Variants in KATNA1 observed in about 807,000 individuals in gnomAD.
KATNA1 encodes the protein katanin p60 ATPase-containing subunit A1.
KATNA1 carries 42 observed loss-of-function variants against 62.6 expected under a neutral mutation model. The ratio of observed to expected loss-of-function variants is 0.67; its 90% CI spans 0.52 to 0.87. The LOEUF is 0.87. Ranked by LOEUF, KATNA1 falls within the 40% of genes least tolerant of loss-of-function variation. The pLI is 0.00. For missense variants in KATNA1, 498 were observed against 612.5 expected, an observed-to-expected ratio of 0.81 and a Z score of 1.97; for synonymous variants, 186 against 201.9, an observed-to-expected ratio of 0.92 and a Z score of 0.67.
At chr6:149,611,419 G>A (rs1432198025) in intron 4 of KATNA1, among the ~76,000 whole-genome samples, 27 of 138,558 alleles carry the variant, frequency 1.9e-4, no homozygotes, top group South Asian at 1.1e-3. Context: ...CTGAGATGGC[G>A]CCATCGTACT....
chr6:149,633,104 T>TTA (rs1779915124), intron 2 of KATNA1, among the ~76,000 whole-genome samples, 188 bp from the exon 3 acceptor site: 1 of 147,710 alleles, frequency 6.8e-6, no homozygotes, highest in African/African-American at 2.5e-5. Flanking sequence ...ATTGCAATTT[T>TTA]TTTTTTTTTT....
In KATNA1 at chr6:149,635,874, G is replaced by A. The variant is rs190426754; in HGVS notation, c.162+2512C>T. Reference sequence around the variant, plus strand: ...GAGTTTGAGACCAGCTGGCTACATGGTGAAACCCCGTCTCTACTAAAAATA... The same window carrying A: ...GAGTTTGAGACCAGCTGGCTACATGATGAAACCCCGTCTCTACTAAAAATA... On this transcript the variant is annotated intron_variant, in intron 2 of 10. Coordinates refer to ENST00000367411, the MANE Select transcript of KATNA1 (RefSeq NM_007044.4). Among the ~76,000 whole-genome samples, 5 of 150,960 alleles carry A rather than the reference G, an allele frequency of 3.3e-5. No homozygotes were observed. The East Asian group carries it at 9.9e-4, about 30-fold the overall frequency.
chr6:149,648,063 C>T (rs1251864049), intron 1 of KATNA1, among the ~76,000 whole-genome samples: 3 of 152,162 alleles, frequency 2.0e-5, no homozygotes, highest in African/African-American at 7.2e-5. Context: ...TCACTCGAAC[C>T]TAACAAATTT....
intron 7 of KATNA1, 31 bp from the exon 8 acceptor site, chr6:149,598,381 A>G (rs1405101540): frequency 6.2e-7 from 1 of 1,603,602 alleles, no homozygotes; most frequent in East Asian, 2.2e-5. Flanking sequence ...ATATCAAGCT[A>G]TTAAGCTATT....
chr6:149,597,573 G>C lies in KATNA1; in HGVS notation c.1084C>G (p.Pro362Ala). Residue 362 changes from proline (P) to alanine (A), a missense_variant, in exon 9 of 11, where the codon CCC becomes GCC. Coordinates refer to ENST00000367411, the MANE Select transcript of KATNA1 (RefSeq NM_007044.4). ...MVMVLAATNF[P>A]WDIDEALRRR... ...CTTAAAGCCTCATCTATATCCCAGG[G>C]AAAATTAGTAGCTGCCAGAACCATA... The C allele has an allele frequency of 1.2e-6, 2 of 1,613,962 alleles. No homozygotes were observed. The highest frequency in any genetic ancestry group is 1.7e-6 in the Non-Finnish European group (2 of 1,179,896).
chr6:149,617,345 A>T (rs1779202498), intron 4 of KATNA1, among the ~76,000 whole-genome samples: 1 of 152,234 alleles, frequency 6.6e-6, no homozygotes, highest in Non-Finnish European at 1.5e-5. Context: ...TTTTGCCACA[A>T]CTTTTAAAAA....
chr6:149,623,056 T>C, intron 4 of KATNA1, 47 bp downstream of exon 4: 1 of 1,375,854 alleles, frequency 7.3e-7, no homozygotes, highest in African/African-American at 1.5e-5. Flanking sequence ...TCTTCATTTT[T>C]ACGGTTCAAA....
At position 149,598,327 on chromosome 6, in the gene KATNA1, G is replaced by A; in HGVS notation, c.912C>T (p.Thr304=). 1 of 1,613,692 alleles carries A rather than the reference G, an allele frequency of 6.2e-7. No homozygotes were observed. The highest frequency in any genetic ancestry group is 8.5e-7 in the Non-Finnish European group (1 of 1,179,804). Residue 304 remains threonine (T), a synonymous_variant, in exon 8 of 11, where the codon ACC becomes ACT. Coordinates refer to ENST00000367411, the MANE Select transcript of KATNA1 (RefSeq NM_007044.4). ...TGGAGTCTATCTCATCAATAAATAT[G>A]GTGGCTGGAGAATAAAATCGAGCCT... ...FEMARFYSPA[T]IFIDEIDSIC...
intron 4 of KATNA1, among the ~76,000 whole-genome samples, chr6:149,619,585 C>T (rs1444138132): frequency 4.0e-5 from 6 of 151,724 alleles, no homozygotes; most frequent in Non-Finnish European, 7.4e-5. Context: ...TGCACTCCAG[C>T]CTGGGCAACA....
chr6:149,600,215 A>G (rs1182225010), intron 7 of KATNA1, among the ~76,000 whole-genome samples: 5 of 150,776 alleles, frequency 3.3e-5, no homozygotes. Flanking sequence ...AAAAAAAAAA[A>G]AAAAAGCTGA....
chr6:149,627,291 G>A (rs1002491283), intron 3 of KATNA1, among the ~76,000 whole-genome samples: 3 of 151,842 alleles, frequency 2.0e-5, no homozygotes, highest in African/African-American at 7.3e-5. Context: ...TACTTTGGGA[G>A]GCCAAGGCAG....
At chr6:149,632,543 A>C (rs1467658991) in intron 3 of KATNA1, among the ~76,000 whole-genome samples, 1 of 152,154 alleles carries the variant, frequency 6.6e-6, no homozygotes, top group Non-Finnish European at 1.5e-5. Flanking sequence ...GGTCATTCAC[A>C]AAAGCATATT....
At chr6:149,641,685 T>C (rs968366491) in intron 1 of KATNA1, among the ~76,000 whole-genome samples, 1 of 152,096 alleles carries the variant, frequency 6.6e-6, no homozygotes, top group Admixed American at 6.6e-5. Context: ...ACACACCACA[T>C]GATCAAGAAG....
chr6:149,630,534 CAGG>C (rs774405310), intron 3 of KATNA1, among the ~76,000 whole-genome samples: 1 of 152,132 alleles, frequency 6.6e-6, no homozygotes, highest in Non-Finnish European at 1.5e-5. Flanking sequence ...GAGGCAGAGA[CAGG>C]AGAATTGCTT....
chr6:149,623,247 C>A lies in KATNA1; in HGVS notation c.357G>T (p.Gln119His). Residue 119 changes from glutamine (Q) to histidine (H), a missense_variant, in exon 4 of 11, where the codon CAG (glutamine) becomes CAT (histidine). Physicochemically the swap from Gln to His is conservative, Grantham distance 24. Transcript: ENST00000367411. ...TACCATGTGATTTAGGGTCACTGTA[C>A]TGAGAAGATTGGCGTTTTCTAGGTC... ...SPGPRKRQSS[Q>H]YSDPKSHGNR... 1.2e-6 allele frequency: 2 copies of A among 1,603,862 alleles called. No individual in the cohort carries two copies. The highest frequency in any genetic ancestry group is 1.7e-6 in the Non-Finnish European group (2 of 1,177,682).
At chr6:149,625,579 G>A (rs1033148045) in intron 3 of KATNA1, among the ~76,000 whole-genome samples, 5 of 151,996 alleles carry the variant, frequency 3.3e-5, no homozygotes, top group African/African-American at 4.8e-5. Flanking sequence ...GCAGTCAGCC[G>A]AGATTGCACC....
rs889147474 is a variant in KATNA1, at chr6:149,609,519, T to C, written c.502-4737A>G. ...GCTTGGGCAATAAAATAAGATCCTG[T>C]CTCGGCCAGGCATGGTGGCTCAGGC... On this transcript the variant is annotated intron_variant, in intron 4 of 10. Transcript: ENST00000367411. 5.3e-5 allele frequency among the ~76,000 whole-genome samples: 8 copies of C among 152,014 alleles called. No individual in the cohort carries two copies. The East Asian group carries it at 1.6e-3, about 29-fold the overall frequency.
intron 6 of KATNA1, among the ~76,000 whole-genome samples, chr6:149,602,547 C>T (rs1475550304): frequency 6.6e-6 from 1 of 151,814 alleles, no homozygotes; most frequent in Admixed American, 6.6e-5. Flanking sequence ...TAGATCAGCC[C>T]ATGACTTTAA....
chr6:149,639,193 G>C (rs1485021518), intron 1 of KATNA1, among the ~76,000 whole-genome samples: 1 of 152,052 alleles, frequency 6.6e-6, no homozygotes, highest in Non-Finnish European at 1.5e-5. Flanking sequence ...CAGCTACTTG[G>C]GAGGCTGAGA....
Sources: gnomAD v4.1 joint callset for allele counts (sites outside exome capture counted in the v4.1 genomes callset) on GRCh38, gnomAD v4.1.1 for gene constraint, MANE v1.5 for transcripts, NCBI Gene and HGNC (gene_info 2026-07-23, HGNC 2026-07-21) for gene names.